Variants in PCDHA7 observed in about 807,000 individuals in gnomAD.
PCDHA7 encodes the protein protocadherin alpha 7, also known as protocadherin alpha-7.
PCDHA7 carries 37 observed loss-of-function variants against 57.2 expected under a neutral mutation model. The observed-to-expected ratio is 0.65, with a 90% CI of 0.50 to 0.85. PCDHA7 has a LOEUF of 0.85. Among genes scored for constraint, PCDHA7 ranks in the 40% least tolerant of loss-of-function variants. PCDHA7 has a pLI of 0.00. For missense variants in PCDHA7, 1,188 were observed against 1,241.8 expected (o/e 0.96, Z 0.65); for synonymous variants, 553 against 558.8 (o/e 0.99, Z 0.15).
At chr5:140,871,456 G>A (rs782153529) in intron 1 of PCDHA7, 2 of 1,607,284 alleles carry the variant, frequency 1.2e-6, no homozygotes, top group East Asian at 4.5e-5. Context: ...AGAGGAGGAA[G>A]GGGAAAGACA....
At position 140,853,772 on chromosome 5, in the gene PCDHA7, T is replaced by C. The variant is rs1315934965; in HGVS notation, c.2355+17034T>C. 8 of 988,006 alleles carry C rather than the reference T, an allele frequency of 8.1e-6. No homozygotes were observed. The African/African-American group carries it at 1.4e-4, about 17-fold the overall frequency. 61.2% of individuals were successfully genotyped at this position (988,006 alleles called of 1,614,324 possible). On this transcript the variant is annotated intron_variant, in intron 1 of 3. Coordinates refer to ENST00000525929, the MANE Select transcript of PCDHA7 (RefSeq NM_018910.3). Reference sequence around the variant, plus strand: ...AGGCTCCACCTCAGAAATTCTGAAATGGGTAGTAAGAGCAAATTTTCATTT... The same window carrying C: ...AGGCTCCACCTCAGAAATTCTGAAACGGGTAGTAAGAGCAAATTTTCATTT...
chr5:140,858,155 T>C (rs782113419), intron 1 of PCDHA7: 1 of 1,597,742 alleles, frequency 6.3e-7, no homozygotes, highest in African/African-American at 1.3e-5. Context: ...CATCGCCATC[T>C]GCGCGGTGTC....
chr5:140,836,457 G>C lies in PCDHA7; in HGVS notation c.2074G>C (p.Glu692Gln), dbSNP rs2150261358. 1.2e-6 allele frequency: 2 copies of C among 1,613,694 alleles called. No individual in the cohort carries two copies. The highest frequency in any genetic ancestry group is 1.7e-6 in the Non-Finnish European group (2 of 1,179,860). Residue 692 changes from glutamate to glutamine, a missense_variant, in exon 1 of 4, where the codon GAG (glutamate) becomes CAG (glutamine). This residue lies in a region of PCDHA7 where 892 missense variants were observed against 788.5 expected (regional missense o/e 1.13). Coordinates refer to ENST00000525929, the MANE Select transcript of PCDHA7 (RefSeq NM_018910.3). Reference sequence around the variant, plus strand: ...GTTGGGCATTGCAGGCCCAGAGACCGAGCTGGTGGATGTCAACGTGTACCT... The same window carrying C: ...GTTGGGCATTGCAGGCCCAGAGACCCAGCTGGTGGATGTCAACGTGTACCT... ...ASLGIAGPETELVDVNVYLII... is the reference protein window; with the variant it reads ...ASLGIAGPETQLVDVNVYLII...
At chr5:140,903,427 A>G (rs1030133179) in intron 1 of PCDHA7, among the ~76,000 whole-genome samples, 9 of 152,208 alleles carry the variant, frequency 5.9e-5, no homozygotes, top group African/African-American at 1.9e-4. Context: ...TCAGCACAAT[A>G]TGTATCAGTG....
At chr5:140,912,443 G>T (rs1351780500) in intron 1 of PCDHA7, among the ~76,000 whole-genome samples, 3 of 151,748 alleles carry the variant, frequency 2.0e-5, no homozygotes, top group African/African-American at 7.3e-5. Flanking sequence ...TGATTTGTGT[G>T]CATTGATTTT....
At chr5:140,969,152 T>C in intron 1 of PCDHA7, 1 of 1,614,002 alleles carries the variant, frequency 6.2e-7, no homozygotes, top group East Asian at 2.2e-5. Flanking sequence ...CTACAAGGCC[T>C]GTCTGACAGC....
chr5:140,908,169 C>T (rs1361651305), intron 1 of PCDHA7, among the ~76,000 whole-genome samples: 2 of 152,192 alleles, frequency 1.3e-5, no homozygotes, highest in African/African-American at 4.8e-5. Context: ...TGTAGTGCTG[C>T]AGCTGTCCAC....
At chr5:140,883,642 C>T (rs200197885) in intron 1 of PCDHA7, 1 of 1,613,904 alleles carries the variant, frequency 6.2e-7, no homozygotes, top group South Asian at 1.1e-5. Context: ...TCGCGCAGCC[C>T]GAGTACACGG....
chr5:140,869,424 G>T (rs2051119407), intron 1 of PCDHA7: 18 of 1,614,216 alleles, frequency 1.1e-5, no homozygotes, highest in Non-Finnish European at 1.5e-5. Context: ...TCCACCTGGA[G>T]GTGATCGTGG....
intron 1 of PCDHA7, chr5:140,841,245 G>A (rs1483817095): frequency 1.3e-6 from 2 of 1,501,446 alleles, no homozygotes; most frequent in Non-Finnish European, 1.8e-6. Context: ...AGCGGAATTG[G>A]ATTAAAAGAC....
At chr5:140,875,903 A>G in intron 1 of PCDHA7, 1 of 1,614,184 alleles carries the variant, frequency 6.2e-7, no homozygotes, top group Non-Finnish European at 8.5e-7. Context: ...CCTGTTTCTG[A>G]ATCTGCGCCT....
chr5:140,884,833 C>T (rs1175023363), intron 1 of PCDHA7: 1 of 916,514 alleles, frequency 1.1e-6, no homozygotes, highest in Non-Finnish European at 1.5e-6. Flanking sequence ...GTTGGATTAT[C>T]CTTCAGAGTG....
chr5:140,877,582 A>G, intron 1 of PCDHA7: 1 of 1,613,772 alleles, frequency 6.2e-7, no homozygotes, highest in East Asian at 2.2e-5. Context: ...CATCATCGCC[A>G]TCTGTGCGGT....
chr5:140,864,333 AGT>A (rs1554158793), intron 1 of PCDHA7: 2 of 152,182 alleles, frequency 1.3e-5, no homozygotes, highest in African/African-American at 4.8e-5. Flanking sequence ...TAATTATTTG[AGT>A]TTAAAACATG....
rs190430267 is a variant in PCDHA7 at position 140,870,766 on chromosome 5, C to A, written c.2355+34028C>A. The A allele has an allele frequency of 3.4e-4, 554 of 1,613,562 alleles. 3 individuals are homozygous for A. The African/African-American group carries it at 6.6e-3, about 19-fold the overall frequency. On this transcript the variant is annotated intron_variant, in intron 1 of 3. Coordinates refer to ENST00000525929, the MANE Select transcript of PCDHA7 (RefSeq NM_018910.3). ...CAACGTGACGCTGCAGGTGTTCGTG[C>A]TGGACGAGAACGACAACGCGCCGGC...
At chr5:140,839,602 C>T (rs1330709699) in intron 1 of PCDHA7, among the ~76,000 whole-genome samples, 1 of 151,960 alleles carries the variant, frequency 6.6e-6, no homozygotes. Context: ...GTTGCCCAGG[C>T]TGGTCTCAAA....
chr5:140,863,308 G>T (rs782229195), intron 1 of PCDHA7: 3 of 1,462,294 alleles, frequency 2.1e-6, no homozygotes, highest in Non-Finnish European at 1.9e-6. Context: ...CGCCATCTGC[G>T]TGGTGTCCAG....
intron 1 of PCDHA7, chr5:140,860,892 C>A (rs1554153919): frequency 6.6e-6 from 1 of 152,368 alleles, no homozygotes; most frequent in Non-Finnish European, 1.5e-5. Flanking sequence ...TGCCCGCCAA[C>A]ACGCCAGGCT....
chr5:140,836,111 A>C lies in PCDHA7; in HGVS notation c.1728A>C (p.Ala576=). 2 of 1,613,698 alleles carry C rather than the reference A, an allele frequency of 1.2e-6. No individual in the cohort carries two copies. The highest frequency in any genetic ancestry group is 2.2e-5 in the South Asian group (2 of 91,066). ...CTCGGGTGGGTGGCACTGGTGGCGC[A>C]GTGAGAGAGCTTGTGCCGCGGTCTG... ...LAPRVGGTGG[A]VRELVPRSVG... The change falls in exon 1 of 4, where the codon GCA becomes GCC. Residue 576 remains alanine (A), a synonymous_variant. Transcript: ENST00000525929.
Sources: allele counts gnomAD v4.1 joint callset (sites outside exome capture counted in the v4.1 genomes callset), GRCh38; gene constraint gnomAD v4.1.1; regional missense constraint gnomAD v4.1.1; transcripts MANE v1.5; gene names NCBI Gene and HGNC (gene_info 2026-07-23, HGNC 2026-07-21).